The following SMARCE1 variants were observed in gnomAD, a reference collection of about 807,000 sequenced individuals.
SMARCE1 encodes the protein SWI/SNF-related matrix-associated actin-dependent regulator of chromatin subfamily E member 1.
In SMARCE1, 13 loss-of-function variants were observed where a neutral mutation model predicts 54.9. That is an observed-to-expected ratio of 0.24 (90% confidence interval 0.15 to 0.38). The LOEUF is 0.38. Ranked by LOEUF, SMARCE1 falls within the 10% of genes least tolerant of loss-of-function variation. SMARCE1 has a pLI of 1.00. For missense variants in SMARCE1, 295 were observed against 523.8 expected (o/e 0.56, Z 4.26); for synonymous variants, 151 against 175.3 (o/e 0.86, Z 1.10).
chr17:40,625,601 T>G lies in SMARCE1; in HGVS notation c.*3184A>C, dbSNP rs1047412443. The G allele has an allele frequency of 6.6e-6, 1 of 152,182 alleles. No individual in the cohort carries two copies. Among genetic ancestry groups the G allele is most frequent in the African/African-American group, 2.4e-5 (1 of 41,444 alleles). The allele number at this position is 152,182 out of a possible 1,614,324, so 9.4% of individuals were successfully genotyped here. A position where few individuals can be genotyped will look rare whatever the true frequency, so the allele number is the denominator to read the frequency against. ...TTCACGAGAAACCAAAGCTTCAATTTAACTGCAGGCAATAGGAGTTTCACA... is the reference window on the plus strand; with the variant it reads ...TTCACGAGAAACCAAAGCTTCAATTGAACTGCAGGCAATAGGAGTTTCACA... On this transcript the variant is annotated 3_prime_UTR_variant, in exon 11 of 11. Coordinates refer to ENST00000348513, the MANE Select transcript of SMARCE1 (RefSeq NM_003079.5).
In SMARCE1 at chr17:40,628,830, C is replaced by T. The variant is rs2037060516; in HGVS notation, c.1191G>A (p.Glu397=). 6.2e-7 allele frequency: 1 copy of T among 1,613,834 alleles called. No homozygotes were observed. The highest frequency in any genetic ancestry group is 8.5e-7 in the Non-Finnish European group (1 of 1,179,830). ...CTGGTATGGGATCTGTTGGTGGCTC[C>T]TCCACTGTTGCACTGTTGCTCTCCG... is the stretch of plus-strand genomic sequence containing the variant. ...TGSESNSATV[E]EPPTDPIPED... The change falls in exon 11 of 11, where the codon GAG becomes GAA. Residue 397 remains glutamate, a synonymous_variant. Transcript: ENST00000348513.
chr17:40,630,884 G>C lies in SMARCE1; in HGVS notation c.857C>G (p.Ala286Gly). The C allele has an allele frequency of 6.2e-7, 1 of 1,613,604 alleles. No individual in the cohort carries two copies. Among genetic ancestry groups the C allele is most frequent in the Non-Finnish European group, 8.5e-7 (1 of 1,179,992 alleles). ...TTCCTCTGCCTGTGCAATCTCAGCTGCAATTTTCTCCATATCCACTTCTAC... is the reference window on the plus strand; with the variant it reads ...TTCCTCTGCCTGTGCAATCTCAGCTCCAATTTTCTCCATATCCACTTCTAC... Reference protein sequence around the residue: ...LKVEVDMEKIAAEIAQAEEQA... With the variant: ...LKVEVDMEKIGAEIAQAEEQA... The change falls in exon 10 of 11, where the codon GCA becomes GGA. Residue 286 changes from alanine to glycine, a missense_variant. Around this residue, in one of 5 missense-constraint regions of SMARCE1, gnomAD observed 147 missense variants for 161.4 expected, o/e 0.91. Transcript: ENST00000348513.
intron 10 of SMARCE1, chr17:40,630,209 T>C: frequency 2.1e-6 from 3 of 1,418,344 alleles, no homozygotes; most frequent in Non-Finnish European, 2.9e-6. Flanking sequence ...ATTTTTTACC[T>C]TGAGGGATGC....
chr17:40,644,407 G>A (rs1215654531), intron 3 of SMARCE1: 1 of 152,058 alleles, frequency 6.6e-6, no homozygotes, highest in Non-Finnish European at 1.5e-5. Context: ...TGAAGTACAT[G>A]GTTAGCTCTT....
intron 10 of SMARCE1, chr17:40,630,434 A>G (rs1301686952): frequency 4.7e-6 from 3 of 637,348 alleles, no homozygotes; most frequent in Non-Finnish European, 8.5e-6. Context: ...TTATTTACAA[A>G]AACAAGTGGT....
chr17:40,639,685 A>C (rs1274642669), intron 4 of SMARCE1, among the ~76,000 whole-genome samples: 1 of 152,230 alleles, frequency 6.6e-6, no homozygotes, highest in Admixed American at 6.5e-5. Context: ...GTTAAATTCC[A>C]GATGGTTTTC....
At position 40,626,674 on chromosome 17, in the gene SMARCE1, T is replaced by C. The variant is rs927040343; in HGVS notation, c.*2111A>G. ...ATCACCTGAGGTCACGAGTTCAAGA[T>C]CAGCCTGGCTAACATGGTGAAACCC... is the stretch of plus-strand genomic sequence containing the variant. On this transcript the variant is annotated 3_prime_UTR_variant, in exon 11 of 11. Transcript: ENST00000348513. 2.0e-5 allele frequency: 3 copies of C among 151,944 alleles called. No homozygotes were observed. The highest frequency in any genetic ancestry group is 2.9e-5 in the Non-Finnish European group (2 of 68,048). 9.4% of individuals were successfully genotyped at this position (151,944 alleles called of 1,614,324 possible).
In SMARCE1 at chr17:40,642,480, T is replaced by G. The variant is rs761846539; in HGVS notation, c.131A>C (p.Asn44Thr). ...CGTGACCCGGCTGTTGGTGCCCGGG[T>G]TCCCTCCCAGCCTGTAGTTGTTGTA... is the stretch of plus-strand genomic sequence containing the variant. ...LAYNNYRLGG[N>T]PGTNSRVTAS... Residue 44 changes from asparagine to threonine, a missense_variant, in exon 4 of 11, where the codon AAC becomes ACC. By Grantham distance (65) the Asn-to-Thr change is moderately conservative. Coordinates refer to ENST00000348513, the MANE Select transcript of SMARCE1 (RefSeq NM_003079.5). The surrounding 1 kb of genome is among the most constrained non-coding windows in gnomAD (Gnocchi z 4.6). 1.2e-6 allele frequency: 2 copies of G among 1,610,634 alleles called. No homozygotes were observed. Among genetic ancestry groups the G allele is most frequent in the Non-Finnish European group, 1.7e-6 (2 of 1,177,292 alleles).
chr17:40,641,462 G>C (rs2037199547), intron 4 of SMARCE1: 1 of 152,170 alleles, frequency 6.6e-6, no homozygotes, highest in African/African-American at 2.4e-5. Context: ...TCATTTGATA[G>C]CTACAAGCTT....
Position 40,645,854 on chromosome 17 carries a change from T to TAA in SMARCE1, c.-45-9_-45-8dup. 11 of 737,052 alleles carry TAA rather than the reference T, an allele frequency of 1.5e-5. No individual in the cohort carries two copies. The highest frequency in any genetic ancestry group is 5.2e-5 in the South Asian group (1 of 19,336). 45.7% of individuals were successfully genotyped at this position (737,052 alleles called of 1,614,324 possible). On this transcript the variant is annotated splice_region_variant and splice_polypyrimidine_tract_variant and intron_variant, in intron 1 of 10. Transcript: ENST00000348513. The stretch of plus-strand genomic sequence containing the variant: ...TAAGAATGAATCTGAGACACTAAAA[T>TAA]AAAAAAAAAAGGAAAAAAAAAAGAG...
rs949776308 is a variant in SMARCE1, at chr17:40,626,205, C to G, written c.*2580G>C. The G allele has an allele frequency of 5.3e-5, 8 of 151,682 alleles. No individual in the cohort carries two copies. The highest frequency in any genetic ancestry group is 1.9e-4 in the African/African-American group (8 of 41,240). The allele number at this position is 151,682 out of a possible 1,614,324, so 9.4% of individuals were successfully genotyped here. On this transcript the variant is annotated 3_prime_UTR_variant, in exon 11 of 11. Coordinates refer to ENST00000348513, the MANE Select transcript of SMARCE1 (RefSeq NM_003079.5). ...TGGCGCCATTACACTCCAGCCTGGGCAACAGTCAGACTGTCTCAAAAAAAA... is the reference window on the plus strand; with the variant it reads ...TGGCGCCATTACACTCCAGCCTGGGGAACAGTCAGACTGTCTCAAAAAAAA...
rs549862289 is a variant in SMARCE1, at chr17:40,646,513, T to C, written c.-45-666A>G. 5.3e-5 allele frequency among the ~76,000 whole-genome samples: 8 copies of C among 152,344 alleles called. No individual in the cohort carries two copies. In the East Asian group the frequency reaches 1.2e-3, roughly 22 times the overall value. ...AACTGCTCCCCCATCTGTATTCCTA[T>C]ACAGTTTACACAGATCTATATTATT... On this transcript the variant is annotated intron_variant, in intron 1 of 10. Transcript: ENST00000348513.
intron 1 of SMARCE1, 128 bp downstream of exon 1, chr17:40,647,645 C>T (rs548857150): frequency 1.3e-5 from 2 of 152,754 alleles, no homozygotes; most frequent in African/African-American, 4.8e-5. Flanking sequence ...AGGCCTCAAC[C>T]GGCTCCTGGC....
At chr17:40,647,599 A>G (rs1365866783) in intron 1 of SMARCE1, 174 bp downstream of exon 1, 1 of 152,282 alleles carries the variant, frequency 6.6e-6, no homozygotes, top group Non-Finnish European at 1.5e-5. Context: ...CCCAGATGGG[A>G]CTCCCTCCCA....
At position 40,630,799 on chromosome 17, in the gene SMARCE1, A is replaced by G. The variant is rs1317450309; in HGVS notation, c.942T>C (p.Ser314=). Residue 314 remains serine (S), a synonymous_variant, in exon 10 of 11, where the codon AGT becomes AGC. Coordinates refer to ENST00000348513, the MANE Select transcript of SMARCE1 (RefSeq NM_003079.5). ...CTTCCTCAGGAACGATGCTGCTCTG[A>G]CTGCGCTCAGCTTGCTCTGCGGCCT... ...EKEAAEQAER[S]QSSIVPEEEQ... is the part of the protein sequence containing the mutation. The G allele has an allele frequency of 1.5e-5, 24 of 1,613,876 alleles. No individual in the cohort carries two copies. The highest frequency in any genetic ancestry group is 2.0e-5 in the Non-Finnish European group (24 of 1,180,018).
intron 3 of SMARCE1, chr17:40,645,370 C>T (rs2144014977): frequency 4.4e-6 from 2 of 453,872 alleles, no homozygotes; most frequent in Non-Finnish European, 3.9e-6. Context: ...TGGAGTTTTA[C>T]AGTACTGTTT....
At chr17:40,645,350 C>T (rs2037245356) in intron 3 of SMARCE1, 4 of 433,444 alleles carry the variant, frequency 9.2e-6, no homozygotes, top group Admixed American at 8.7e-5. Flanking sequence ...ACAAACTGAG[C>T]ACAGGAGGTT....
intron 4 of SMARCE1, among the ~76,000 whole-genome samples, chr17:40,638,788 T>C (rs566101802): frequency 6.6e-6 from 1 of 152,314 alleles, no homozygotes; most frequent in Admixed American, 6.5e-5. Context: ...CAAATCCTTA[T>C]AGGAAAACTA....
chr17:40,633,382 T>TC (rs1245550198), intron 7 of SMARCE1: 1 of 152,134 alleles, frequency 6.6e-6, no homozygotes, highest in Non-Finnish European at 1.5e-5. Flanking sequence ...TCATAGTTTT[T>TC]CATATATCTA....
Sources: gnomAD v4.1 joint callset for allele counts (sites outside exome capture counted in the v4.1 genomes callset) on GRCh38, gnomAD v4.1.1 for gene constraint, gnomAD v4.1.1 regional missense constraint, Gnocchi (gnomAD v3.1) non-coding constraint, MANE v1.5 for transcripts, NCBI Gene and HGNC (gene_info 2026-07-23, HGNC 2026-07-21) for gene names.